Variants in BTRC observed in about 807,000 individuals in gnomAD.
BTRC encodes the protein beta-transducin repeat containing E3 ubiquitin protein ligase, also known as F-box/WD repeat-containing protein 1A.
In BTRC, 42 loss-of-function variants were observed where a neutral mutation model predicts 85.5. The observed-to-expected ratio is 0.49, with a 90% CI of 0.38 to 0.64. The LOEUF (loss-of-function observed/expected upper bound fraction) is 0.64, where lower values mean the gene tolerates loss of function less well. Among genes scored for constraint, BTRC ranks in the 30% least tolerant of loss-of-function variants. The pLI is 0.00. For missense variants in BTRC, 594 were observed against 743.5 expected, an observed-to-expected ratio of 0.80 and a Z score of 2.34; for synonymous variants, 255 against 263.3, an observed-to-expected ratio of 0.97 and a Z score of 0.30.
At position 101,492,704 on chromosome 10, in the gene BTRC, A is replaced by G. The variant is rs1421885702; in HGVS notation, c.324+13247A>G. 2.0e-5 allele frequency among the ~76,000 whole-genome samples: 3 copies of G among 152,182 alleles called. No homozygotes were observed. In the East Asian group the frequency reaches 5.8e-4, roughly 29 times the overall value. On this transcript the variant is annotated intron_variant, in intron 4 of 14. Transcript: ENST00000370187. Reference sequence around the variant, plus strand: ...ATAAGGAGACAAGGTAGTTTCTGAAATGTATTGAATTCATAAAATACAGCT... The same window carrying G: ...ATAAGGAGACAAGGTAGTTTCTGAAGTGTATTGAATTCATAAAATACAGCT...
rs550015287 is a variant in BTRC, at chr10:101,521,926, A to G, written c.556+56A>G. ...TTTGCTATGATGATAAGAGAACTAG[A>G]TCTCCAGCTATATATCTCTCTTTAA... On this transcript the variant is annotated intron_variant, in intron 5 of 14. Coordinates refer to ENST00000370187, the MANE Select transcript of BTRC (RefSeq NM_033637.4). 20 of 1,332,998 alleles carry G rather than the reference A, an allele frequency of 1.5e-5. No homozygotes were observed. The Middle Eastern group carries it at 6.3e-4, about 42-fold the overall frequency. The allele number at this position is 1,332,998 out of a possible 1,614,324, so 82.6% of individuals were successfully genotyped here.
intron 5 of BTRC, among the ~76,000 whole-genome samples, chr10:101,524,366 A>G (rs1431535018): frequency 6.6e-6 from 1 of 152,178 alleles, no homozygotes; most frequent in African/African-American, 2.4e-5. Context: ...TACCACTAAG[A>G]ATTGAACAGG....
chr10:101,445,625 G>A (rs905487127), intron 2 of BTRC, among the ~76,000 whole-genome samples: 7 of 152,164 alleles, frequency 4.6e-5, no homozygotes, highest in Non-Finnish European at 2.9e-5. Flanking sequence ...TTTTAAATCA[G>A]TTTGGAACCT....
At chr10:101,408,306 A>T (rs1034505075) in intron 1 of BTRC, among the ~76,000 whole-genome samples, 5 of 148,670 alleles carry the variant, frequency 3.4e-5, no homozygotes, top group Admixed American at 1.3e-4. Context: ...CTTTTTTTTT[A>T]AATTTATTTT....
intron 2 of BTRC, among the ~76,000 whole-genome samples, chr10:101,450,398 G>C (rs10883656): frequency 0.38 from 57,022 of 152,032 alleles, 11,787 homozygotes; most frequent in Middle Eastern, 0.49. Flanking sequence ...TGAAAGTTAA[G>C]AGAAAGCAGC....
Position 101,366,784 on chromosome 10 carries a change from A to T in BTRC, c.48+12556A>T, listed in dbSNP as rs373898539. Among the ~76,000 whole-genome samples the T allele has an allele frequency of 2.9e-4, 21 of 73,120 alleles. 5 individuals are homozygous for T. The highest frequency in any genetic ancestry group is 6.4e-4 in the African/African-American group (15 of 23,612). The allele number at this position is 73,120 out of a possible 152,430, so 48.0% of individuals were successfully genotyped here. A position where few individuals can be genotyped will look rare whatever the true frequency, so the allele number is the denominator to read the frequency against. The stretch of plus-strand genomic sequence containing the variant: ...AATCTAGTTATATATATATATATAT[A>T]TATATTTTTACATTTATATATATAT... On this transcript the variant is annotated intron_variant, in intron 1 of 14. Coordinates refer to ENST00000370187, the MANE Select transcript of BTRC (RefSeq NM_033637.4).
At chr10:101,369,203 CT>C (rs2134530625) in intron 1 of BTRC, among the ~76,000 whole-genome samples, 1 of 151,786 alleles carries the variant, frequency 6.6e-6, no homozygotes, top group South Asian at 2.1e-4. Flanking sequence ...CTTTTTTCCC[CT>C]ATTGGAGTAT....
intron 4 of BTRC, among the ~76,000 whole-genome samples, chr10:101,487,246 A>G (rs1166707670): frequency 2.0e-5 from 3 of 152,196 alleles, no homozygotes; most frequent in Admixed American, 6.5e-5. Flanking sequence ...CATGCTACTC[A>G]ATGTTTATTA....
intron 1 of BTRC, among the ~76,000 whole-genome samples, chr10:101,371,376 C>G (rs1175797779): frequency 6.6e-6 from 1 of 152,174 alleles, no homozygotes; most frequent in South Asian, 2.1e-4. Context: ...CGAAGTTCAC[C>G]ATGTTGGCCA....
chr10:101,467,333 T>G lies in BTRC; in HGVS notation c.234+5275T>G, dbSNP rs552082374. 3.1e-4 allele frequency among the ~76,000 whole-genome samples: 40 copies of G among 128,666 alleles called. 1 individual carries two copies. In the South Asian group the frequency reaches 7.8e-3, roughly 25 times the overall value. 84.4% of individuals were successfully genotyped at this position (128,666 alleles called of 152,430 possible). A position where few individuals can be genotyped will look rare whatever the true frequency, so the allele number is the denominator to read the frequency against. On this transcript the variant is annotated intron_variant, in intron 3 of 14. Coordinates refer to ENST00000370187, the MANE Select transcript of BTRC (RefSeq NM_033637.4). ...CCCTGATATCAGGCAGGCAGGGTTT[T>G]TTTTTTTTTTTTCTCTCTATTTGTT...
intron 1 of BTRC, among the ~76,000 whole-genome samples, chr10:101,424,046 A>G (rs1292107969): frequency 6.6e-6 from 1 of 152,130 alleles, no homozygotes; most frequent in Non-Finnish European, 1.5e-5. Flanking sequence ...CCTGGCTAAC[A>G]TGGAGAAACC....
intron 4 of BTRC, among the ~76,000 whole-genome samples, chr10:101,514,409 CTTCAT>C (rs2061995285): frequency 6.6e-6 from 1 of 151,146 alleles, no homozygotes. Context: ...TAGGAACAGA[CTTCAT>C]TTCCTCTATG....
chr10:101,542,447 T>A (rs569745837), intron 13 of BTRC, among the ~76,000 whole-genome samples: 19 of 152,236 alleles, frequency 1.2e-4, no homozygotes, highest in Non-Finnish European at 1.8e-4. Flanking sequence ...GTTTATAATA[T>A]TCAGGTCTTC....
At chr10:101,497,930 G>T (rs1440370730) in intron 4 of BTRC, among the ~76,000 whole-genome samples, 1 of 151,320 alleles carries the variant, frequency 6.6e-6, no homozygotes, top group South Asian at 2.1e-4. Context: ...TGAGGCAGGA[G>T]AATTGCTTGA....
chr10:101,548,664 A>C (rs1424756246), intron 13 of BTRC, among the ~76,000 whole-genome samples: 1 of 152,158 alleles, frequency 6.6e-6, no homozygotes, highest in Middle Eastern at 3.2e-3. Flanking sequence ...AGGCAGGAGA[A>C]TCGCTTGAAC....
At chr10:101,536,141 T>C (rs2062381819) in intron 11 of BTRC, among the ~76,000 whole-genome samples, 1 of 152,214 alleles carries the variant, frequency 6.6e-6, no homozygotes, top group East Asian at 1.9e-4. Flanking sequence ...GTGTCTGCCG[T>C]GGCAGAGGGG....
At chr10:101,366,949 T>A (rs12218017) in intron 1 of BTRC, among the ~76,000 whole-genome samples, 18,557 of 39,380 alleles carry the variant, frequency 0.47, 6,392 homozygotes, top group East Asian at 0.74. Flanking sequence ...TATATATATT[T>A]ATATATATAT....
rs1328795397 is a variant in BTRC, at chr10:101,553,845, A to G, written c.*722A>G. The stretch of plus-strand genomic sequence containing the variant: ...CTTCACCTGAGAAGAAAGTGTACGA[A>G]GAGAGTGTCCTCCTCTCACATGAGC... On this transcript the variant is annotated 3_prime_UTR_variant, in exon 15 of 15. Coordinates refer to ENST00000370187, the MANE Select transcript of BTRC (RefSeq NM_033637.4). The G allele has an allele frequency of 6.5e-6, 1 of 152,672 alleles. No individual in the cohort carries two copies. Among genetic ancestry groups the G allele is most frequent in the Non-Finnish European group, 1.5e-5 (1 of 68,090 alleles). 9.5% of individuals were successfully genotyped at this position (152,672 alleles called of 1,614,324 possible).
intron 1 of BTRC, among the ~76,000 whole-genome samples, chr10:101,367,019 T>A (rs1200848781): frequency 4.3e-5 from 3 of 69,838 alleles, no homozygotes; most frequent in African/African-American, 1.5e-4. Flanking sequence ...TATATATATT[T>A]ATATTTATAT....
Sources: allele counts gnomAD v4.1 joint callset (sites outside exome capture counted in the v4.1 genomes callset), GRCh38; gene constraint gnomAD v4.1.1; transcripts MANE v1.5; gene names NCBI Gene and HGNC (gene_info 2026-07-23, HGNC 2026-07-21).